The following TAS1R2 variants were observed in gnomAD, a reference collection of about 807,000 sequenced individuals.
The protein encoded by TAS1R2 is taste receptor type 1 member 2.
In TAS1R2, 47 loss-of-function variants were observed where a neutral mutation model predicts 49.3. The ratio of observed to expected loss-of-function variants is 0.95; its 90% CI spans 0.75 to 1.22. The LOEUF is 1.22. Among genes scored for constraint, TAS1R2 ranks in the 50% most tolerant of loss-of-function variants. The pLI is 0.00. For missense variants in TAS1R2, 1,155 were observed against 1,122.1 expected (o/e 1.03, Z -0.42); for synonymous variants, 479 against 467.9 (o/e 1.02, Z -0.31).
rs369617128 is a variant in TAS1R2 at position 18,854,833 on chromosome 1, C to T, written c.637G>A (p.Asp213Asn). ...TGGCCATTGTCGCGGCCATAGGTGT[C>T]GCTGCTCACCAGCACAATGATCCAG... The change falls in exon 3 of 6, where the codon GAC becomes AAC. Residue 213 changes from aspartate to asparagine, a missense_variant. By Grantham distance (23) the Asp-to-Asn change is conservative. Coordinates refer to ENST00000375371, the Ensembl canonical transcript of TAS1R2. This position sits in a 1 kb window ranked among gnomAD's most constrained non-coding sequence, Gnocchi z 4.9. 56 of 1,608,168 alleles carry T rather than the reference C, an allele frequency of 3.5e-5. No homozygotes were observed. Among genetic ancestry groups the T allele is most frequent in the African/African-American group, 1.1e-4 (8 of 74,876 alleles).
exon 5 of TAS1R2, chr1:18,841,794 C>A: frequency 6.2e-7 from 1 of 1,613,926 alleles, no homozygotes; most frequent in Non-Finnish European, 8.5e-7. Context: ...GACGTGGATG[C>A]CCACAGGCTT....
intron 3 of TAS1R2, among the ~76,000 whole-genome samples, chr1:18,852,991 C>G (rs1376722111): frequency 1.3e-5 from 2 of 152,250 alleles, no homozygotes; most frequent in Non-Finnish European, 2.9e-5. Context: ...GCCCTTTGGT[C>G]TCCGCTGCTG....
intron 2 of TAS1R2, among the ~76,000 whole-genome samples, chr1:18,855,916 G>C (rs1246547758): frequency 6.6e-6 from 1 of 152,052 alleles, no homozygotes; most frequent in Non-Finnish European, 1.5e-5. Context: ...TCCATCCAGT[G>C]CCTACCAGCT....
At position 18,854,206 on chromosome 1, in the gene TAS1R2, C is replaced by T. The variant is rs1057285200; in HGVS notation, c.1257+7G>A. Reference sequence around the variant, plus strand: ...CCCTGCAGACTCTATGGCAGCCACCCCCTCACCTGCCAGGGGTAGACCACC... The same window carrying T: ...CCCTGCAGACTCTATGGCAGCCACCTCCTCACCTGCCAGGGGTAGACCACC... On this transcript the variant is annotated splice_region_variant and intron_variant, in intron 3 of 5. Transcript: ENST00000375371. This position sits in a 1 kb window ranked among gnomAD's most constrained non-coding sequence, Gnocchi z 4.9. 1.9e-6 allele frequency: 3 copies of T among 1,610,500 alleles called. No homozygotes were observed. The highest frequency in any genetic ancestry group is 1.3e-5 in the African/African-American group (1 of 74,882).
chr1:18,850,481 G>A (rs969947370), intron 3 of TAS1R2, among the ~76,000 whole-genome samples: 2 of 152,272 alleles, frequency 1.3e-5, no homozygotes, highest in Admixed American at 1.3e-4. Flanking sequence ...TCTTTGGAAT[G>A]TGCACAGGTT....
rs1200427242 is a variant in TAS1R2, at chr1:18,849,327, G to A, written c.1467+14C>T. ...CGCCCCAGGCCTGCCCACCCACCAG[G>A]CCCCCTGGCTGACCGTGTTGTTGAT... On this transcript the variant is annotated intron_variant, in intron 4 of 5. Transcript: ENST00000375371. 1 of 1,613,094 alleles carries A rather than the reference G, an allele frequency of 6.2e-7. No individual in the cohort carries two copies. The highest frequency in any genetic ancestry group is 8.5e-7 in the Non-Finnish European group (1 of 1,179,906).
intron 4 of TAS1R2, 81 bp from the exon 5 acceptor site, chr1:18,841,933 G>T: frequency 1.5e-6 from 2 of 1,343,596 alleles, no homozygotes; most frequent in Non-Finnish European, 9.8e-7. Flanking sequence ...CCAGCAGGAT[G>T]TTCAGGGGAG....
chr1:18,850,400 G>T (rs1933999621), intron 3 of TAS1R2, among the ~76,000 whole-genome samples: 1 of 152,204 alleles, frequency 6.6e-6, no homozygotes, highest in Non-Finnish European at 1.5e-5. Flanking sequence ...ACACAGACAG[G>T]TAGCCAAGGG....
rs567107786 is a variant in TAS1R2, at chr1:18,854,943, C to T, written c.527G>A (p.Arg176His). The change falls in exon 3 of 6, where the codon CGC (arginine) becomes CAC (histidine). Residue 176 changes from arginine to histidine, a missense_variant. Arg to His is a conservative substitution (Grantham distance 29, BLOSUM62 0). Coordinates refer to ENST00000375371, the Ensembl canonical transcript of TAS1R2. The surrounding 1 kb of genome is among the most constrained non-coding windows in gnomAD (Gnocchi z 4.9). ...TGTGGTACGCAGCAAAGCCGGGAAG[C>T]GCACCTTGTCTCGCAGCTCATCGCT... is the stretch of plus-strand genomic sequence containing the variant. 26 of 1,607,526 alleles carry T rather than the reference C, an allele frequency of 1.6e-5. No individual in the cohort carries two copies. In the East Asian group the frequency reaches 2.9e-4, roughly 18 times the overall value.
At chr1:18,849,180 G>A (rs938747681) in intron 4 of TAS1R2, 161 bp downstream of exon 4, 11 of 771,188 alleles carry the variant, frequency 1.4e-5, no homozygotes, top group Non-Finnish European at 2.2e-5. Context: ...ATCAATGGGG[G>A]AAGGAAAGGA....
chr1:18,845,652 C>T (rs1016581566), intron 4 of TAS1R2, among the ~76,000 whole-genome samples: 11 of 152,184 alleles, frequency 7.2e-5, no homozygotes, highest in Non-Finnish European at 1.3e-4. Context: ...GACCTGGATT[C>T]GTGGGTGGAG....
exon 4 of TAS1R2, chr1:18,849,490 G>T: frequency 1.2e-6 from 2 of 1,614,236 alleles, no homozygotes; most frequent in South Asian, 1.1e-5. Context: ...TCCCCTTGCG[G>T]GTCGAAGAAG....
At chr1:18,857,202 T>C (rs1934150817) in intron 2 of TAS1R2, 129 bp downstream of exon 2, 9 of 1,072,388 alleles carry the variant, frequency 8.4e-6, no homozygotes, top group Non-Finnish European at 1.2e-5. Context: ...TTTGGGCTGA[T>C]GTCCTGACCC....
Position 18,854,486 on chromosome 1 carries a change from C to G in TAS1R2, c.984G>C (p.Gln328His). ...CACTGAAGCCCGGGATGGGCACGCT[C>G]TGGATGGTGATGCCCAGGAAGGTGC... Residue 328 changes from glutamine to histidine, a missense_variant, in exon 3 of 6, where the codon CAG (glutamine) becomes CAC (histidine). Coordinates refer to ENST00000375371, the Ensembl canonical transcript of TAS1R2. The surrounding 1 kb of genome is among the most constrained non-coding windows in gnomAD (Gnocchi z 4.9). 3 of 1,614,108 alleles carry G rather than the reference C, an allele frequency of 1.9e-6. No homozygotes were observed. The highest frequency in any genetic ancestry group is 1.1e-5 in the South Asian group (1 of 91,084).
At chr1:18,843,719 C>T (rs142720250) in intron 4 of TAS1R2, among the ~76,000 whole-genome samples, 19 of 152,322 alleles carry the variant, frequency 1.2e-4, no homozygotes, top group African/African-American at 4.1e-4. Context: ...CAATGCCATG[C>T]CTTCTACAAC....
At position 18,854,173 on chromosome 1, in the gene TAS1R2, T is replaced by C; in HGVS notation, c.1257+40A>G. ...TGCCCAGAACCCCAGGGGAGGAGGA[T>C]GGAGGTGCCCTGCAGACTCTATGGC... is the stretch of plus-strand genomic sequence containing the variant. On this transcript the variant is annotated intron_variant, in intron 3 of 5. Transcript: ENST00000375371. This position sits in a 1 kb window ranked among gnomAD's most constrained non-coding sequence, Gnocchi z 4.9. 6.3e-7 allele frequency: 1 copy of C among 1,586,198 alleles called. No individual in the cohort carries two copies. Among genetic ancestry groups the C allele is most frequent in the Non-Finnish European group, 8.6e-7 (1 of 1,162,250 alleles).
exon 6 of TAS1R2, chr1:18,840,133 G>T (rs1933791599): frequency 6.2e-7 from 1 of 1,614,134 alleles, no homozygotes. Flanking sequence ...GGAAGCGGCT[G>T]GCCATCTTGA....
intron 4 of TAS1R2, among the ~76,000 whole-genome samples, chr1:18,844,686 G>A (rs185750107): frequency 3.4e-4 from 52 of 152,234 alleles, no homozygotes; most frequent in Non-Finnish European, 3.2e-4. Flanking sequence ...CCCTGGGGGC[G>A]GAGGTTGCAA....
rs139111014 is a variant in TAS1R2, at chr1:18,854,661, C to T, written c.809G>A (p.Arg270His). Residue 270 changes from arginine (R) to histidine (H), a missense_variant, in exon 3 of 6, where the codon CGC becomes CAC. By Grantham distance (29) the Arg-to-His change is conservative (BLOSUM62 0). Coordinates refer to ENST00000375371, the Ensembl canonical transcript of TAS1R2. This position sits in a 1 kb window ranked among gnomAD's most constrained non-coding sequence, Gnocchi z 4.9. The stretch of plus-strand genomic sequence containing the variant: ...GTCGGGCGAGAACACGACCACGACG[C>T]GCGCTGTGCTCTGCTGCAGCTTGTC... 24 of 1,614,012 alleles carry T rather than the reference C, an allele frequency of 1.5e-5. No individual in the cohort carries two copies. Among genetic ancestry groups the T allele is most frequent in the African/African-American group, 5.3e-5 (4 of 75,064 alleles).
Sources: gnomAD v4.1 joint callset for allele counts (sites outside exome capture counted in the v4.1 genomes callset) on GRCh38, gnomAD v4.1.1 for gene constraint, Gnocchi (gnomAD v3.1) non-coding constraint, MANE v1.5 for transcripts, NCBI Gene and HGNC (gene_info 2026-07-23, HGNC 2026-07-21) for gene names.